The following EPC2 variants were observed in gnomAD, a reference collection of about 807,000 sequenced individuals.
EPC2 encodes the protein enhancer of polycomb homolog 2.
Under a neutral mutation model 92.1 loss-of-function variants are expected in EPC2, and 14 were observed. That is an observed-to-expected ratio of 0.15 (90% CI 0.10 to 0.24). The LOEUF (loss-of-function observed/expected upper bound fraction) is 0.24, where lower values mean the gene tolerates loss of function less well. Ranked by LOEUF, EPC2 falls within the 10% of genes least tolerant of loss-of-function variation. The pLI is 1.00. For missense variants in EPC2, 755 were observed against 971.5 expected (o/e 0.78, Z 2.96); for synonymous variants, 340 against 334.7 (o/e 1.02, Z -0.17).
intron 2 of EPC2, among the ~76,000 whole-genome samples, chr2:148,703,375 C>G (rs914712106): frequency 5.3e-5 from 8 of 151,830 alleles, no homozygotes; most frequent in Non-Finnish European, 8.8e-5. Context: ...CCTTGATACT[C>G]CTTGGGATGG....
intron 2 of EPC2, among the ~76,000 whole-genome samples, chr2:148,742,655 C>T (rs1286164676): frequency 6.6e-6 from 1 of 151,710 alleles, no homozygotes; most frequent in African/African-American, 2.4e-5. Context: ...TTGTGCACAC[C>T]TGTAGTCCCA....
intron 1 of EPC2, among the ~76,000 whole-genome samples, chr2:148,681,304 C>T (rs1345299902): frequency 2.0e-5 from 3 of 151,884 alleles, no homozygotes; most frequent in Non-Finnish European, 4.4e-5. Context: ...GAAGACGTGA[C>T]ATTTTAAATG....
chr2:148,781,376 A>G (rs1683744022), intron 10 of EPC2, among the ~76,000 whole-genome samples: 1 of 152,214 alleles, frequency 6.6e-6, no homozygotes, highest in Non-Finnish European at 1.5e-5. Flanking sequence ...GTCTGAATAA[A>G]TGGTAAAATA....
At chr2:148,768,838 T>C (rs1467461727) in intron 7 of EPC2, among the ~76,000 whole-genome samples, 1 of 152,224 alleles carries the variant, frequency 6.6e-6, no homozygotes, top group Non-Finnish European at 1.5e-5. Context: ...TATAGCCACA[T>C]ACATTATTTA....
At chr2:148,745,829 T>A (rs1277614033) in intron 3 of EPC2, among the ~76,000 whole-genome samples, 4 of 152,104 alleles carry the variant, frequency 2.6e-5, no homozygotes, top group Non-Finnish European at 1.5e-5. Context: ...AAACTACTAT[T>A]TATTAGGTTA....
chr2:148,657,143 T>G (rs1000100970), intron 1 of EPC2, among the ~76,000 whole-genome samples: 2 of 152,110 alleles, frequency 1.3e-5, no homozygotes, highest in African/African-American at 4.8e-5. Flanking sequence ...CAGTGCCTAT[T>G]GAACGAATTT....
chr2:148,697,441 G>C (rs544307007), intron 2 of EPC2, among the ~76,000 whole-genome samples: 2 of 152,056 alleles, frequency 1.3e-5, no homozygotes, highest in Non-Finnish European at 2.9e-5. Context: ...GAATGGAAGA[G>C]CACTATGAAT....
At position 148,697,286 on chromosome 2, in the gene EPC2, G is replaced by A. The variant is rs184832082; in HGVS notation, c.313+6913G>A. On this transcript the variant is annotated intron_variant, in intron 2 of 13. Coordinates refer to ENST00000258484, the MANE Select transcript of EPC2 (RefSeq NM_015630.4). ...AGAAATTCATTACCATTCAAAGGGGGTTGGTAATAGAATCAGTAATGGATT... is the reference window on the plus strand; with the variant it reads ...AGAAATTCATTACCATTCAAAGGGGATTGGTAATAGAATCAGTAATGGATT... Among the ~76,000 whole-genome samples, 298 of 151,790 alleles carry A rather than the reference G, an allele frequency of 2.0e-3. 2 individuals carry two copies. Among genetic ancestry groups the A allele is most frequent in the Non-Finnish European group, 2.8e-3 (193 of 67,944 alleles).
At chr2:148,752,769 T>C (rs1486435644) in intron 3 of EPC2, among the ~76,000 whole-genome samples, 3 of 152,192 alleles carry the variant, frequency 2.0e-5, no homozygotes, top group Admixed American at 2.0e-4. Flanking sequence ...GATCAGTGCA[T>C]TTATTCCATG....
intron 2 of EPC2, among the ~76,000 whole-genome samples, chr2:148,698,509 G>A (rs1454481536): frequency 1.3e-5 from 2 of 151,670 alleles, no homozygotes; most frequent in South Asian, 2.1e-4. Flanking sequence ...GGTGGTGCAC[G>A]CCTGTAATCC....
At chr2:148,755,418 G>C (rs1362477614) in intron 4 of EPC2, among the ~76,000 whole-genome samples, 1 of 151,916 alleles carries the variant, frequency 6.6e-6, no homozygotes, top group African/African-American at 2.4e-5. Flanking sequence ...TTTGAAAGCA[G>C]TATACAGGCG....
chr2:148,683,182 C>A (rs1024142427), intron 1 of EPC2, among the ~76,000 whole-genome samples: 4 of 151,866 alleles, frequency 2.6e-5, no homozygotes, highest in African/African-American at 9.7e-5. Context: ...CACCCATCAC[C>A]TGAGCAGTGT....
chr2:148,778,901 C>A (rs1462726432), intron 10 of EPC2, among the ~76,000 whole-genome samples: 5 of 152,090 alleles, frequency 3.3e-5, no homozygotes, highest in African/African-American at 9.7e-5. Context: ...TTTTTTAAAG[C>A]ATATACATAT....
intron 2 of EPC2, among the ~76,000 whole-genome samples, chr2:148,704,628 A>G (rs1681956843): frequency 6.6e-6 from 1 of 152,204 alleles, no homozygotes; most frequent in South Asian, 2.1e-4. Flanking sequence ...ATCAAGTGGC[A>G]TGTCCCCAAA....
chr2:148,646,924 G>A (rs1839198), intron 1 of EPC2, among the ~76,000 whole-genome samples: 27,231 of 151,940 alleles, frequency 0.18, 3,176 homozygotes, highest in East Asian at 0.49. Flanking sequence ...AGCCTGGCCA[G>A]TATGGTGAAA....
intron 1 of EPC2, among the ~76,000 whole-genome samples, chr2:148,662,767 C>T (rs186441798): frequency 1.3e-5 from 2 of 151,564 alleles, no homozygotes; most frequent in African/African-American, 2.4e-5. Context: ...TACATACATA[C>T]GTAACAAACC....
chr2:148,666,529 A>G (rs1013656336), intron 1 of EPC2, among the ~76,000 whole-genome samples: 1 of 152,256 alleles, frequency 6.6e-6, no homozygotes, highest in Non-Finnish European at 1.5e-5. Flanking sequence ...AATTAAAGAT[A>G]TAGAAAATAC....
intron 5 of EPC2, 148 bp downstream of exon 5, chr2:148,762,078 G>A (rs1172682163): frequency 1.7e-5 from 11 of 664,634 alleles, no homozygotes; most frequent in South Asian, 2.6e-5. Flanking sequence ...AAGATTTGTG[G>A]TTACTAGTTT....
chr2:148,673,800 G>C (rs886135981), intron 1 of EPC2, among the ~76,000 whole-genome samples: 4 of 151,938 alleles, frequency 2.6e-5, no homozygotes, highest in Non-Finnish European at 5.9e-5. Flanking sequence ...TGGTCAGGCT[G>C]GTCTCAAACT....
Sources: allele counts gnomAD v4.1 joint callset (sites outside exome capture counted in the v4.1 genomes callset), GRCh38; gene constraint gnomAD v4.1.1; transcripts MANE v1.5; gene names NCBI Gene and HGNC (gene_info 2026-07-23, HGNC 2026-07-21).